The following SMCHD1 variants were observed in gnomAD, a reference collection of about 807,000 sequenced individuals.
SMCHD1 encodes structural maintenance of chromosomes flexible hinge domain containing 1, also known as structural maintenance of chromosomes flexible hinge domain-containing protein 1.
SMCHD1 carries 78 observed loss-of-function variants against 254.7 expected under a neutral mutation model. The ratio of observed to expected loss-of-function variants is 0.31; its 90% confidence interval spans 0.26 to 0.37. The LOEUF is 0.37. Ranked by LOEUF, SMCHD1 falls within the 10% of genes least tolerant of loss-of-function variation. The pLI is 1.00. For missense variants in SMCHD1, 1,840 were observed against 2,408.1 expected, an observed-to-expected ratio of 0.76 and a Z score of 4.94; for synonymous variants, 766 against 794.9, an observed-to-expected ratio of 0.96 and a Z score of 0.61.
chr18:2,699,349 A>T (rs1320381572), intron 10 of SMCHD1, among the ~76,000 whole-genome samples: 1 of 151,980 alleles, frequency 6.6e-6, no homozygotes, highest in African/African-American at 2.4e-5. Flanking sequence ...TTTGTTTTTT[A>T]TTTTTTGGAG....
At chr18:2,685,099 T>C (rs2074015459) in intron 5 of SMCHD1, among the ~76,000 whole-genome samples, 1 of 128,494 alleles carries the variant, frequency 7.8e-6, no homozygotes, top group Non-Finnish European at 1.7e-5. Context: ...CCCTTATTTT[T>C]TTCTTTTTTT....
chr18:2,665,626 C>T (rs1308759481), intron 1 of SMCHD1, among the ~76,000 whole-genome samples: 1 of 152,094 alleles, frequency 6.6e-6, no homozygotes, highest in Non-Finnish European at 1.5e-5. Flanking sequence ...GCCAGTTTCC[C>T]TCTAATTTAT....
Position 2,656,152 on chromosome 18 carries a change from G to A in SMCHD1, c.77G>A (p.Arg26Lys), listed in dbSNP as rs1215446716. The part of the protein sequence containing the change: ...TEEDGGGVGH[R>K]TVYLFDRREK... ...GAGGATGGCGGAGGCGTCGGCCACA[G>A]GACGGTGTACTTGTTTGATCGGCGC... The change falls in exon 1 of 48, where the codon AGG (arginine) becomes AAG (lysine). Residue 26 changes from arginine (R) to lysine (K), a missense_variant. Arg to Lys is a conservative substitution (Grantham distance 26). Around this residue, in one of 9 missense-constraint regions of SMCHD1, gnomAD observed 115 missense variants for 99.1 expected, o/e 1.16. Transcript: ENST00000320876. 1.3e-6 allele frequency: 2 copies of A among 1,513,404 alleles called. No individual in the cohort carries two copies. The highest frequency in any genetic ancestry group is 2.5e-5 in the South Asian group (2 of 78,466). 93.7% of individuals were successfully genotyped at this position (1,513,404 alleles called of 1,614,324 possible). A position where few individuals can be genotyped will look rare whatever the true frequency, so the allele number is the denominator to read the frequency against.
intron 36 of SMCHD1, among the ~76,000 whole-genome samples, chr18:2,763,186 T>C (rs1348190152): frequency 1.3e-5 from 2 of 152,204 alleles, no homozygotes; most frequent in African/African-American, 2.4e-5. Flanking sequence ...AACGGTGCCA[T>C]AGAATTACTC....
chr18:2,751,273 G>A lies in SMCHD1; in HGVS notation c.4166-5G>A, dbSNP rs757697144. The A allele has an allele frequency of 5.3e-6, 8 of 1,496,012 alleles. No individual in the cohort carries two copies. The South Asian group carries it at 8.4e-5, about 16-fold the overall frequency. 92.7% of individuals were successfully genotyped at this position (1,496,012 alleles called of 1,614,324 possible). A position where few individuals can be genotyped will look rare whatever the true frequency, so the allele number is the denominator to read the frequency against. On this transcript the variant is annotated splice_region_variant and splice_polypyrimidine_tract_variant and intron_variant, in intron 32 of 47. Transcript: ENST00000320876. ...GAGATAATTTTTTAACGTTTACCAT[G>A]ACAGATTTTATGATTAGTGTTATTT... is the stretch of plus-strand genomic sequence containing the variant.
chr18:2,679,005 G>A (rs1357640709), intron 5 of SMCHD1, among the ~76,000 whole-genome samples: 20 of 151,182 alleles, frequency 1.3e-4, no homozygotes, highest in African/African-American at 4.6e-4. Context: ...GCACCACAAT[G>A]CCCGGCTAAT....
chr18:2,799,760 G>A (rs576551799), intron 47 of SMCHD1, among the ~76,000 whole-genome samples: 1 of 151,952 alleles, frequency 6.6e-6, no homozygotes, highest in East Asian at 1.9e-4. Flanking sequence ...GTTTTTAATT[G>A]CCACCTTTTT....
rs940213609 is a variant in SMCHD1 at position 2,718,980 on chromosome 18, G to A, written c.2458+546G>A. ...AAAGCTGTCCTGATTCCTGACCCTG[G>A]GCATATTGCCCCTCCTCCCCCAAAA... On this transcript the variant is annotated intron_variant, in intron 19 of 47. Transcript: ENST00000320876. This position sits in a 1 kb window ranked among gnomAD's most constrained non-coding sequence, Gnocchi z 4.6. Among the ~76,000 whole-genome samples the A allele has an allele frequency of 2.6e-5, 4 of 151,668 alleles. No homozygotes were observed. The highest frequency in any genetic ancestry group is 9.7e-5 in the African/African-American group (4 of 41,234).
At chr18:2,730,966 G>A (rs1246225755) in intron 24 of SMCHD1, among the ~76,000 whole-genome samples, 1 of 152,188 alleles carries the variant, frequency 6.6e-6, no homozygotes, top group East Asian at 1.9e-4. Flanking sequence ...TTGGAGGCAA[G>A]AGCAGCAGGC....
At chr18:2,711,891 T>C (rs1401988864) in intron 17 of SMCHD1, among the ~76,000 whole-genome samples, 1 of 152,142 alleles carries the variant, frequency 6.6e-6, no homozygotes, top group Non-Finnish European at 1.5e-5. Context: ...CTTGCTCTAT[T>C]ATTTCCCATG....
chr18:2,761,237 A>G (rs2075777687), intron 35 of SMCHD1, among the ~76,000 whole-genome samples: 1 of 152,176 alleles, frequency 6.6e-6, no homozygotes, highest in African/African-American at 2.4e-5. Flanking sequence ...CAAAGATGGG[A>G]ACAGTAAACG....
chr18:2,701,743 C>T (rs2074406651), intron 12 of SMCHD1, among the ~76,000 whole-genome samples: 3 of 152,040 alleles, frequency 2.0e-5, no homozygotes, highest in Admixed American at 1.3e-4. Flanking sequence ...AACTAGTATA[C>T]TAGTGTACTT....
chr18:2,711,621 T>C (rs2074674714), intron 17 of SMCHD1, among the ~76,000 whole-genome samples: 1 of 150,110 alleles, frequency 6.7e-6, no homozygotes, highest in South Asian at 2.1e-4. Context: ...TAGCTGGGAC[T>C]ACAGGCGCCC....
At chr18:2,778,312 A>G (rs1272122258) in intron 44 of SMCHD1, 73 bp downstream of exon 44, 1 of 1,080,192 alleles carries the variant, frequency 9.3e-7, no homozygotes, top group East Asian at 2.5e-5. Flanking sequence ...GATGATACAT[A>G]TACAAACGAC....
intron 1 of SMCHD1, 122 bp downstream of exon 1, chr18:2,656,383 C>T: frequency 1.1e-6 from 1 of 940,694 alleles, no homozygotes. Flanking sequence ...GCGGCCTTGG[C>T]TTCCCTCTCC....
Position 2,718,470 on chromosome 18 carries a change from AAGGTGGCAT to A in SMCHD1, c.2458+37_2458+45del, listed in dbSNP as rs1469576335. ...CAGTAATATATAATTATATATGCTAAAGGTGGCATTTTAAATCCAAAGAGAAAAGAGAGA... is the reference window on the plus strand; with the variant it reads ...CAGTAATATATAATTATATATGCTAATTTAAATCCAAAGAGAAAAGAGAGA... On this transcript the variant is annotated intron_variant, in intron 19 of 47. Transcript: ENST00000320876. This position sits in a 1 kb window ranked among gnomAD's most constrained non-coding sequence, Gnocchi z 4.6. 5.9e-6 allele frequency: 9 copies of A among 1,521,486 alleles called. No individual in the cohort carries two copies. The highest frequency in any genetic ancestry group is 8.0e-6 in the Non-Finnish European group (9 of 1,123,938). The allele number at this position is 1,521,486 out of a possible 1,614,324, so 94.2% of individuals were successfully genotyped here. A position where few individuals can be genotyped will look rare whatever the true frequency, so the allele number is the denominator to read the frequency against.
chr18:2,763,328 T>C (rs1415346955), intron 36 of SMCHD1, among the ~76,000 whole-genome samples: 1 of 152,224 alleles, frequency 6.6e-6, no homozygotes, highest in Non-Finnish European at 1.5e-5. Flanking sequence ...TATAATAACT[T>C]ATTAAGCACT....
intron 3 of SMCHD1, chr18:2,673,019 T>G (rs2073654541): frequency 1.0e-6 from 1 of 968,468 alleles, no homozygotes; most frequent in Non-Finnish European, 1.2e-6. Context: ...GTCTTTAGAT[T>G]ATAAACTCCT....
At chr18:2,791,456 G>A (rs888332552) in intron 45 of SMCHD1, among the ~76,000 whole-genome samples, 3 of 152,118 alleles carry the variant, frequency 2.0e-5, no homozygotes, top group Admixed American at 6.5e-5. Flanking sequence ...CGCTCCTTTA[G>A]TCCCACTTCT....
Sources: gnomAD v4.1 joint callset for allele counts (sites outside exome capture counted in the v4.1 genomes callset) on GRCh38, gnomAD v4.1.1 for gene constraint, gnomAD v4.1.1 regional missense constraint, Gnocchi (gnomAD v3.1) non-coding constraint, MANE v1.5 for transcripts, NCBI Gene and HGNC (gene_info 2026-07-23, HGNC 2026-07-21) for gene names.